Variants in METTL24 observed in about 807,000 individuals in gnomAD.
METTL24 encodes the protein methyltransferase like 24.
Under a neutral mutation model 32.7 loss-of-function variants are expected in METTL24, and 29 were observed. The ratio of observed to expected loss-of-function variants is 0.89; its 90% CI spans 0.66 to 1.21. The LOEUF (loss-of-function observed/expected upper bound fraction) is 1.21. METTL24 is among the 50% of genes most tolerant of loss of function. The probability of loss-of-function intolerance (pLI) is 0.00; values close to 1 mark genes in which losing one functional copy is unlikely to be tolerated. For synonymous variants in METTL24, 163 were observed against 179.5 expected, an observed-to-expected ratio of 0.91 and a Z score of 0.73; for missense variants, 439 against 468.1, an observed-to-expected ratio of 0.94 and a Z score of 0.57.
chr6:110,265,068 A>C (rs546436133), intron 4 of METTL24, among the ~76,000 whole-genome samples: 1 of 151,910 alleles, frequency 6.6e-6, no homozygotes, highest in Admixed American at 6.6e-5. Flanking sequence ...ACATGTATAC[A>C]CATGTAACAA....
intron 1 of METTL24, among the ~76,000 whole-genome samples, chr6:110,350,462 G>C (rs1015195952): frequency 1.3e-5 from 2 of 152,006 alleles, no homozygotes; most frequent in African/African-American, 4.8e-5. Flanking sequence ...TGCAAGGGGG[G>C]CTGTGAATAT....
intron 4 of METTL24, among the ~76,000 whole-genome samples, chr6:110,283,314 G>C (rs1231337191): frequency 5.3e-5 from 8 of 151,950 alleles, no homozygotes; most frequent in Non-Finnish European, 7.4e-5. Context: ...GGACATATCT[G>C]GTAAAAACTA....
chr6:110,333,601 G>A (rs1772151000), intron 1 of METTL24, among the ~76,000 whole-genome samples: 1 of 151,688 alleles, frequency 6.6e-6, no homozygotes, highest in Non-Finnish European at 1.5e-5. Flanking sequence ...ATTACAGGTG[G>A]GTGCTAATTT....
intron 1 of METTL24, among the ~76,000 whole-genome samples, chr6:110,339,750 G>A (rs901940319): frequency 6.6e-6 from 1 of 152,170 alleles, no homozygotes; most frequent in Admixed American, 6.5e-5. Context: ...ATACTTTATT[G>A]TATATAACTG....
intron 3 of METTL24, among the ~76,000 whole-genome samples, chr6:110,312,174 G>A (rs1219211713): frequency 6.6e-6 from 1 of 152,080 alleles, no homozygotes; most frequent in African/African-American, 2.4e-5. Context: ...CAGTTAGAAT[G>A]GCTATTATTA....
intron 4 of METTL24, among the ~76,000 whole-genome samples, chr6:110,294,174 G>C (rs1393821949): frequency 6.6e-6 from 1 of 151,830 alleles, no homozygotes; most frequent in East Asian, 1.9e-4. Context: ...GAGAGAGTGA[G>C]AGAGAGAAAG....
intron 2 of METTL24, among the ~76,000 whole-genome samples, chr6:110,321,667 G>A (rs958052815): frequency 1.3e-5 from 2 of 152,116 alleles, no homozygotes; most frequent in Admixed American, 1.3e-4. Context: ...GAAGCACAGG[G>A]ACTAATTCAA....
chr6:110,326,367 T>C (rs1418978978), intron 1 of METTL24, among the ~76,000 whole-genome samples: 2 of 152,246 alleles, frequency 1.3e-5, no homozygotes, highest in Admixed American at 6.5e-5. Flanking sequence ...TCATTTTCCC[T>C]GCATCTCTAG....
At chr6:110,253,161 T>C (rs779550875) in intron 4 of METTL24, among the ~76,000 whole-genome samples, 3 of 152,264 alleles carry the variant, frequency 2.0e-5, no homozygotes, top group Non-Finnish European at 2.9e-5. Flanking sequence ...CCCGAGGCGG[T>C]ACTGCTATGA....
chr6:110,318,758 T>C (rs1305747907), intron 2 of METTL24, among the ~76,000 whole-genome samples: 1 of 152,188 alleles, frequency 6.6e-6, no homozygotes, highest in Non-Finnish European at 1.5e-5. Context: ...GACATTAGCT[T>C]TTGTAAACAA....
intron 3 of METTL24, among the ~76,000 whole-genome samples, chr6:110,304,441 C>T (rs1392549658): frequency 1.3e-5 from 2 of 152,088 alleles, no homozygotes; most frequent in Admixed American, 6.6e-5. Flanking sequence ...AGAAGAATTG[C>T]TAACTAAAAT....
chr6:110,329,450 T>C (rs1243723922), intron 1 of METTL24, among the ~76,000 whole-genome samples: 1 of 141,960 alleles, frequency 7.0e-6, no homozygotes, highest in Non-Finnish European at 1.5e-5. Context: ...GAGCATCTGT[T>C]AGTGGGCAGG....
chr6:110,332,025 T>C (rs959850966), intron 1 of METTL24, among the ~76,000 whole-genome samples: 8 of 152,184 alleles, frequency 5.3e-5, no homozygotes, highest in Admixed American at 6.5e-5. Flanking sequence ...ACAGCAGGCA[T>C]GCTGAAATTC....
At chr6:110,315,268 T>C (rs1771796548) in intron 3 of METTL24, 74 bp downstream of exon 3, 1 of 1,550,048 alleles carries the variant, frequency 6.5e-7, no homozygotes, top group Non-Finnish European at 8.8e-7. Context: ...ATTTCTAACT[T>C]TGTATTGCTG....
chr6:110,356,048 G>C (rs1772690522), intron 1 of METTL24, among the ~76,000 whole-genome samples: 2 of 152,236 alleles, frequency 1.3e-5, no homozygotes, highest in Non-Finnish European at 2.9e-5. Context: ...AACAGATGCT[G>C]AGTGAATCTA....
At chr6:110,347,791 T>C (rs976511415) in intron 1 of METTL24, among the ~76,000 whole-genome samples, 1 of 151,948 alleles carries the variant, frequency 6.6e-6, no homozygotes, top group African/African-American at 2.4e-5. Flanking sequence ...TAATTAGCTT[T>C]GAGAGGAAAA....
chr6:110,284,048 C>G (rs1771180378), intron 4 of METTL24, among the ~76,000 whole-genome samples: 1 of 152,168 alleles, frequency 6.6e-6, no homozygotes, highest in African/African-American at 2.4e-5. Flanking sequence ...GAAGGCAGTT[C>G]TGGCACATGC....
At chr6:110,339,273 C>G (rs549316185) in intron 1 of METTL24, among the ~76,000 whole-genome samples, 100 of 152,296 alleles carry the variant, frequency 6.6e-4, no homozygotes, top group African/African-American at 2.3e-3. Flanking sequence ...CATTCTCCCG[C>G]TAGGAGTCAT....
intron 4 of METTL24, among the ~76,000 whole-genome samples, chr6:110,273,129 G>A (rs1468128744): frequency 1.3e-5 from 2 of 152,070 alleles, no homozygotes; most frequent in Non-Finnish European, 2.9e-5. Flanking sequence ...TCTGTCTTGA[G>A]TTGATTTTTG....
Sources: gnomAD v4.1 joint callset for allele counts (sites outside exome capture counted in the v4.1 genomes callset) on GRCh38, gnomAD v4.1.1 for gene constraint, MANE v1.5 for transcripts, NCBI Gene and HGNC (gene_info 2026-07-23, HGNC 2026-07-21) for gene names.